The following LRRC7 variants were observed in gnomAD, a reference collection of about 807,000 sequenced individuals.
LRRC7 encodes leucine rich repeat containing 7, also known as leucine-rich repeat-containing protein 7.
A neutral mutation model predicts 175.7 loss-of-function variants in LRRC7; 23 were observed. The ratio of observed to expected loss-of-function variants is 0.13; its 90% confidence interval spans 0.09 to 0.19. The LOEUF (loss-of-function observed/expected upper bound fraction) is 0.19, where lower values mean the gene tolerates loss of function less well. LRRC7 is among the 10% of genes least tolerant of loss of function. The pLI is 1.00. For missense variants in LRRC7, 1,354 were observed against 1,904.7 expected (o/e 0.71, Z 5.38); for synonymous variants, 685 against 680.9 (o/e 1.01, Z -0.09).
At chr1:69,983,309 T>A (rs959843850) in intron 9 of LRRC7, among the ~76,000 whole-genome samples, 31 of 152,178 alleles carry the variant, frequency 2.0e-4, no homozygotes, top group African/African-American at 7.0e-4. Context: ...GGGCTGGAGA[T>A]TTGCACTGGG....
At chr1:69,723,061 A>T (rs181011976) in intron 2 of LRRC7, among the ~76,000 whole-genome samples, 1 of 152,068 alleles carries the variant, frequency 6.6e-6, no homozygotes, top group Admixed American at 6.6e-5. Context: ...TTTGTAATGC[A>T]ATGAACTATT....
intron 4 of LRRC7, among the ~76,000 whole-genome samples, chr1:69,799,311 A>G (rs1414158883): frequency 6.6e-6 from 1 of 152,056 alleles, no homozygotes; most frequent in African/African-American, 2.4e-5. Context: ...TCATCCAAAT[A>G]ATGTACATTG....
intron 1 of LRRC7, among the ~76,000 whole-genome samples, chr1:69,673,078 A>G (rs955473125): frequency 2.0e-5 from 3 of 152,172 alleles, no homozygotes; most frequent in Non-Finnish European, 2.9e-5. Flanking sequence ...CCAAGTATAT[A>G]TTTTTTATTT....
rs1485997401 is a variant in LRRC7, at chr1:70,142,475, T to TTTG, written c.*20591_*20593dup. On this transcript the variant is annotated 3_prime_UTR_variant, in exon 27 of 27. Coordinates refer to ENST00000651989, the MANE Select transcript of LRRC7 (RefSeq NM_001370785.2). ...GTAATTGACAGATAAACAGATAGTTTTTGTTTGAAGAGCCAATCAAGTTTC... is the reference window on the plus strand; with the variant it reads ...GTAATTGACAGATAAACAGATAGTTTTTGTTGTTTGAAGAGCCAATCAAGTTTC... 6.6e-6 allele frequency: 1 copy of TTTG among 152,112 alleles called. No homozygotes were observed. The allele number at this position is 152,112 out of a possible 1,614,324, so 9.4% of individuals were successfully genotyped here. A position where few individuals can be genotyped will look rare whatever the true frequency, so the allele number is the denominator to read the frequency against.
chr1:69,847,701 A>T (rs757666931), intron 7 of LRRC7, among the ~76,000 whole-genome samples: 2 of 152,076 alleles, frequency 1.3e-5, no homozygotes, highest in Non-Finnish European at 2.9e-5. Flanking sequence ...ACATCTGAGC[A>T]TCCTTCCCCT....
chr1:69,810,750 T>C (rs955816247), intron 4 of LRRC7, among the ~76,000 whole-genome samples: 1 of 152,204 alleles, frequency 6.6e-6, no homozygotes, highest in African/African-American at 2.4e-5. Flanking sequence ...ATCCTTTCCT[T>C]GCACCTTACA....
chr1:69,808,793 G>A (rs1677447522), intron 4 of LRRC7, among the ~76,000 whole-genome samples: 1 of 152,074 alleles, frequency 6.6e-6, no homozygotes, highest in Non-Finnish European at 1.5e-5. Flanking sequence ...AGCACTAAAT[G>A]CCCACAGGAG....
intron 1 of LRRC7, among the ~76,000 whole-genome samples, chr1:69,572,114 A>G (rs1170735679): frequency 6.6e-6 from 1 of 152,124 alleles, no homozygotes; most frequent in Non-Finnish European, 1.5e-5. Context: ...TTAGTTTATG[A>G]CAAGCCGAGT....
At chr1:69,635,191 T>C (rs562134364) in intron 1 of LRRC7, among the ~76,000 whole-genome samples, 1 of 152,174 alleles carries the variant, frequency 6.6e-6, no homozygotes, top group East Asian at 1.9e-4. Context: ...GGTTTTCTGT[T>C]CCTGTGTTCA....
intron 10 of LRRC7, among the ~76,000 whole-genome samples, chr1:69,990,679 T>G (rs1318192263): frequency 6.6e-6 from 1 of 152,076 alleles, no homozygotes; most frequent in Non-Finnish European, 1.5e-5. Flanking sequence ...AAGCTGATAC[T>G]TCCAAACCAG....
chr1:69,641,845 G>A (rs116711009), intron 1 of LRRC7, among the ~76,000 whole-genome samples: 2,010 of 151,796 alleles, frequency 0.013, 19 homozygotes, highest in Admixed American at 0.02. Context: ...ACTGTATGGT[G>A]ACATATGCCT....
chr1:69,730,732 C>T (rs1667478744), intron 2 of LRRC7, among the ~76,000 whole-genome samples: 1 of 152,142 alleles, frequency 6.6e-6, no homozygotes, highest in South Asian at 2.1e-4. Context: ...TGCCTATTAC[C>T]AGTTCCAAAG....
At chr1:69,736,831 C>T (rs1437755098) in intron 2 of LRRC7, among the ~76,000 whole-genome samples, 1 of 152,096 alleles carries the variant, frequency 6.6e-6, no homozygotes, top group Admixed American at 6.6e-5. Flanking sequence ...TTATTATCAT[C>T]ACCATCATTA....
At chr1:70,071,363 A>G (rs1232491480) in intron 23 of LRRC7, among the ~76,000 whole-genome samples, 2 of 152,068 alleles carry the variant, frequency 1.3e-5, no homozygotes, top group African/African-American at 2.4e-5. Flanking sequence ...GCATTTATTT[A>G]TGTGTAATGC....
At chr1:69,935,409 A>C (rs1437952167) in intron 8 of LRRC7, among the ~76,000 whole-genome samples, 1 of 152,326 alleles carries the variant, frequency 6.6e-6, no homozygotes, top group East Asian at 1.9e-4. Context: ...AATTGGAATT[A>C]TAATGTGCAT....
intron 1 of LRRC7, among the ~76,000 whole-genome samples, chr1:69,668,478 TC>T (rs1282311768): frequency 1.4e-4 from 21 of 152,170 alleles, no homozygotes; most frequent in African/African-American, 4.6e-4. Context: ...CATGAACTCA[TC>T]CCTTTTTATG....
intron 26 of LRRC7, among the ~76,000 whole-genome samples, chr1:70,113,521 C>T (rs991084628): frequency 6.6e-6 from 1 of 152,188 alleles, no homozygotes; most frequent in Middle Eastern, 3.4e-3. Context: ...CAGCTTCACT[C>T]TGCAGTAAGA....
chr1:69,779,575 C>T (rs1444229853), intron 3 of LRRC7, among the ~76,000 whole-genome samples: 1 of 152,110 alleles, frequency 6.6e-6, no homozygotes, highest in African/African-American at 2.4e-5. Context: ...AGATATATTC[C>T]CTTCCTTCTA....
At chr1:69,679,288 C>T (rs1462677176) in intron 2 of LRRC7, among the ~76,000 whole-genome samples, 3 of 152,174 alleles carry the variant, frequency 2.0e-5, no homozygotes, top group Non-Finnish European at 4.4e-5. Flanking sequence ...CAGGAACTTA[C>T]ATTTTACAAG....
Sources: allele counts gnomAD v4.1 joint callset (sites outside exome capture counted in the v4.1 genomes callset), GRCh38; gene constraint gnomAD v4.1.1; transcripts MANE v1.5; gene names NCBI Gene and HGNC (gene_info 2026-07-23, HGNC 2026-07-21).